The following ANXA13 variants were observed in gnomAD, a reference collection of about 807,000 sequenced individuals.
ANXA13 encodes annexin A13, also known as annexin XIII.
ANXA13 carries 36 observed loss-of-function variants against 46.6 expected under a neutral mutation model. The ratio of observed to expected loss-of-function variants is 0.77; its 90% CI spans 0.59 to 1.02. The LOEUF is 1.02. ANXA13 is among the 50% of genes least tolerant of loss of function. The pLI is 0.00. For synonymous variants in ANXA13, 163 were observed against 152.9 expected (o/e 1.07, Z -0.49); for missense variants, 417 against 396.5 (o/e 1.05, Z -0.44).
At chr8:123,731,208 T>C (rs1814111025) in intron 1 of ANXA13, among the ~76,000 whole-genome samples, 1 of 152,162 alleles carries the variant, frequency 6.6e-6, no homozygotes, top group Non-Finnish European at 1.5e-5. Flanking sequence ...ATTATACCAA[T>C]GATGCGGGCC....
At chr8:123,684,380 C>T (rs1813097611) in intron 10 of ANXA13, among the ~76,000 whole-genome samples, 1 of 152,162 alleles carries the variant, frequency 6.6e-6, no homozygotes, top group South Asian at 2.1e-4. Flanking sequence ...CACTAGCTCT[C>T]CAGAGCCACA....
chr8:123,697,039 A>G (rs7820119), intron 4 of ANXA13, among the ~76,000 whole-genome samples: 3 of 152,250 alleles, frequency 2.0e-5, no homozygotes, highest in Non-Finnish European at 4.4e-5. Flanking sequence ...CCTCTCAAGT[A>G]GCTGGGATTA....
chr8:123,720,790 C>G (rs1334277009), intron 1 of ANXA13, among the ~76,000 whole-genome samples: 1 of 151,566 alleles, frequency 6.6e-6, no homozygotes, highest in Non-Finnish European at 1.5e-5. Context: ...ACTATGTTGC[C>G]CAGGCTGGTC....
chr8:123,714,443 G>A (rs1351549464), intron 1 of ANXA13, among the ~76,000 whole-genome samples: 1 of 152,154 alleles, frequency 6.6e-6, no homozygotes, highest in Admixed American at 6.5e-5. Flanking sequence ...TGCCCATTTT[G>A]TCCACTACAT....
chr8:123,715,488 T>C (rs746847822), intron 1 of ANXA13, among the ~76,000 whole-genome samples: 8 of 152,254 alleles, frequency 5.3e-5, no homozygotes, highest in South Asian at 2.1e-4. Context: ...CTGTTCTCTA[T>C]GTCCTGTTAG....
intron 2 of ANXA13, among the ~76,000 whole-genome samples, chr8:123,708,790 C>T (rs1013494446): frequency 2.6e-5 from 4 of 152,136 alleles, no homozygotes; most frequent in East Asian, 1.9e-4. Flanking sequence ...CCAGCAGCCC[C>T]GGGGCAGTGT....
In ANXA13 at chr8:123,692,650, G is replaced by C. The variant is rs539732463; in HGVS notation, c.642+547C>G. The stretch of plus-strand genomic sequence containing the variant: ...TAGCCAACTGTAAACTGGAGTAATA[G>C]TAGCAAACATTAGTATGCTTGCCAC... On this transcript the variant is annotated intron_variant, in intron 8 of 10. Coordinates refer to ENST00000419625, the MANE Select transcript of ANXA13 (RefSeq NM_004306.4). 2.6e-5 allele frequency among the ~76,000 whole-genome samples: 4 copies of C among 152,314 alleles called. No homozygotes were observed. In the East Asian group the frequency reaches 5.8e-4, roughly 22 times the overall value.
intron 2 of ANXA13, among the ~76,000 whole-genome samples, chr8:123,708,413 G>T (rs1813588084): frequency 1.3e-5 from 2 of 152,230 alleles, no homozygotes; most frequent in African/African-American, 2.4e-5. Flanking sequence ...CGGGGCTGTG[G>T]TGGAGGCTCA....
intron 2 of ANXA13, among the ~76,000 whole-genome samples, chr8:123,710,277 G>T (rs539895658): frequency 6.6e-6 from 1 of 152,172 alleles, no homozygotes; most frequent in Admixed American, 6.5e-5. Flanking sequence ...CATATCATAT[G>T]ATTCTATTTA....
At chr8:123,711,138 G>A (rs1247822618) in intron 2 of ANXA13, among the ~76,000 whole-genome samples, 2 of 152,082 alleles carry the variant, frequency 1.3e-5, no homozygotes, top group Non-Finnish European at 2.9e-5. Flanking sequence ...CTACTCAAGG[G>A]CTATTTCAAG....
chr8:123,730,083 C>T (rs985942820), intron 1 of ANXA13, among the ~76,000 whole-genome samples: 1 of 152,178 alleles, frequency 6.6e-6, no homozygotes, highest in South Asian at 2.1e-4. Flanking sequence ...CTCCCCAGTT[C>T]CATTGTTGCT....
intron 4 of ANXA13, among the ~76,000 whole-genome samples, chr8:123,696,025 C>A (rs1339834837): frequency 1.3e-5 from 2 of 152,050 alleles, no homozygotes; most frequent in Non-Finnish European, 2.9e-5. Context: ...CTTTCACCAC[C>A]TCCTCGCCTG....
At chr8:123,719,134 C>T (rs761332917) in intron 1 of ANXA13, among the ~76,000 whole-genome samples, 3 of 152,186 alleles carry the variant, frequency 2.0e-5, no homozygotes, top group Non-Finnish European at 2.9e-5. Flanking sequence ...CAGCATCTTC[C>T]AGAACACAGC....
rs759850030 is a variant in ANXA13, at chr8:123,718,790, T to C, written c.16-6037A>G. The stretch of plus-strand genomic sequence containing the variant: ...GATGCTCTGATCCTAGGAAGCGGTG[T>C]CACCTTGGCAGAAAGAATGCAGAAA... On this transcript the variant is annotated intron_variant, in intron 1 of 10. Transcript: ENST00000419625. Among the ~76,000 whole-genome samples the C allele has an allele frequency of 3.6e-4, 55 of 152,158 alleles. 1 individual carries two copies. The highest frequency in any genetic ancestry group is 7.6e-4 in the Non-Finnish European group (52 of 68,026).
intron 3 of ANXA13, among the ~76,000 whole-genome samples, chr8:123,700,479 C>T (rs1006791353): frequency 2.0e-5 from 3 of 152,176 alleles, no homozygotes; most frequent in Non-Finnish European, 4.4e-5. Context: ...TCTAGCTTTG[C>T]GTTGTTGGGA....
At chr8:123,712,012 T>C (rs1216619872) in intron 2 of ANXA13, 1 of 153,996 alleles carries the variant, frequency 6.5e-6, no homozygotes, top group Non-Finnish European at 1.4e-5. Flanking sequence ...GTTTAGATCA[T>C]ACCAGGTTTG....
chr8:123,729,230 C>T (rs1205150618), intron 1 of ANXA13: 1 of 152,170 alleles, frequency 6.6e-6, no homozygotes, highest in Non-Finnish European at 1.5e-5. Context: ...ATGGAGTTCT[C>T]TTGGTGCCTG....
At chr8:123,731,937 G>A (rs544036541) in intron 1 of ANXA13, among the ~76,000 whole-genome samples, 18 of 152,262 alleles carry the variant, frequency 1.2e-4, no homozygotes, top group African/African-American at 4.1e-4. Flanking sequence ...TGGAGTAATA[G>A]TTATGCAGAG....
chr8:123,705,586 A>T (rs1813523777), intron 2 of ANXA13, among the ~76,000 whole-genome samples: 1 of 152,224 alleles, frequency 6.6e-6, no homozygotes, highest in Non-Finnish European at 1.5e-5. Context: ...TGACATTCTG[A>T]GCCCGACACC....
Sources: allele counts gnomAD v4.1 joint callset (sites outside exome capture counted in the v4.1 genomes callset), GRCh38; gene constraint gnomAD v4.1.1; transcripts MANE v1.5; gene names NCBI Gene and HGNC (gene_info 2026-07-23, HGNC 2026-07-21).